The following DNAH11 variants were observed in gnomAD, a reference collection of about 807,000 sequenced individuals.
DNAH11 encodes dynein axonemal heavy chain 11.
A neutral mutation model predicts 526.0 loss-of-function variants in DNAH11; 442 were observed. The ratio of observed to expected loss-of-function variants is 0.84; its 90% CI spans 0.78 to 0.91. The LOEUF is 0.91. DNAH11 is among the 40% of genes least tolerant of loss of function. The pLI, the probability that DNAH11 is intolerant of heterozygous loss-of-function variation, is 0.00. For synonymous variants in DNAH11, 2,461 were observed against 1,935.9 expected (o/e 1.27, Z -7.12); for missense variants, 6,989 against 5,448.7 (o/e 1.28, Z -8.90).
intron 66 of DNAH11, chr7:21,851,250 C>T: frequency 4.4e-6 from 1 of 226,796 alleles, no homozygotes; most frequent in Non-Finnish European, 8.9e-6. Flanking sequence ...GGCTTTTCCC[C>T]CTTTGCTGGG....
chr7:21,632,813 C>T lies in DNAH11; in HGVS notation c.4501-3058C>T, dbSNP rs145215077. Among the ~76,000 whole-genome samples the T allele has an allele frequency of 7.0e-3, 1,065 of 152,296 alleles. 15 individuals are homozygous for T. The highest frequency in any genetic ancestry group is 0.024 in the African/African-American group (1,016 of 41,562). ...ACTGTTCCAACCTCTGCCTGTTACC[C>T]AGTTCCAAAGTTGCTTCCACATTTT... On this transcript the variant is annotated intron_variant, in intron 25 of 81. Coordinates refer to ENST00000409508, the MANE Select transcript of DNAH11 (RefSeq NM_001277115.2).
At chr7:21,841,485 T>G (rs1782202125) in intron 65 of DNAH11, among the ~76,000 whole-genome samples, 2 of 152,184 alleles carry the variant, frequency 1.3e-5, no homozygotes, top group African/African-American at 4.8e-5. Flanking sequence ...GTGTGGAGTT[T>G]GCACACGTTC....
At chr7:21,551,074 C>A (rs944181301) in intron 2 of DNAH11, among the ~76,000 whole-genome samples, 1 of 152,096 alleles carries the variant, frequency 6.6e-6, no homozygotes, top group South Asian at 2.1e-4. Context: ...AGCCTGGGGT[C>A]CCCGAAGACT....
intron 28 of DNAH11, among the ~76,000 whole-genome samples, chr7:21,651,937 A>C (rs1583564252): frequency 6.6e-6 from 1 of 152,236 alleles, no homozygotes; most frequent in Non-Finnish European, 1.5e-5. Context: ...GCTTTTACTC[A>C]CTTCACACAC....
intron 65 of DNAH11, among the ~76,000 whole-genome samples, chr7:21,838,863 T>G (rs1337409437): frequency 1.3e-5 from 2 of 152,052 alleles, no homozygotes; most frequent in East Asian, 3.9e-4. Flanking sequence ...CCTAAGTAGC[T>G]GGGACTACAG....
chr7:21,750,125 G>A, intron 53 of DNAH11, 97 bp from the exon 54 acceptor site: 1 of 1,400,584 alleles, frequency 7.1e-7, no homozygotes, highest in Non-Finnish European at 9.5e-7. Context: ...CATTTATGCT[G>A]AACTTTGTCT....
At chr7:21,681,516 C>A in intron 30 of DNAH11, 30 bp from the exon 31 acceptor site, 1 of 1,605,558 alleles carries the variant, frequency 6.2e-7, no homozygotes, top group Non-Finnish European at 8.5e-7. Context: ...TGTAACCCTT[C>A]TCTCCTTTTT....
intron 9 of DNAH11, among the ~76,000 whole-genome samples, chr7:21,583,745 C>T (rs1784392365): frequency 6.6e-6 from 1 of 150,614 alleles, no homozygotes; most frequent in Non-Finnish European, 1.5e-5. Context: ...AAGAAAAAAA[C>T]AACCCCATCA....
chr7:21,898,083 A>G (rs992339548), intron 79 of DNAH11, among the ~76,000 whole-genome samples: 4 of 151,998 alleles, frequency 2.6e-5, no homozygotes, highest in African/African-American at 9.7e-5. Context: ...ACTATTTCCT[A>G]CCTGATCCCT....
intron 35 of DNAH11, among the ~76,000 whole-genome samples, chr7:21,695,104 A>C (rs1414149554): frequency 6.6e-6 from 1 of 152,248 alleles, no homozygotes; most frequent in Admixed American, 6.5e-5. Flanking sequence ...GGACACAAAC[A>C]AATAGAAAAG....
At chr7:21,699,210 T>C (rs1194080186) in intron 36 of DNAH11, among the ~76,000 whole-genome samples, 2 of 152,158 alleles carry the variant, frequency 1.3e-5, no homozygotes, top group Non-Finnish European at 2.9e-5. Flanking sequence ...TAATTCTTTA[T>C]TTAAAGGTAG....
In DNAH11 at chr7:21,787,565, C is replaced by T; in HGVS notation, c.9906C>T (p.Asn3302=). ...CTGGCCTGTGTGCCTGGGTCATCAA[C>T]ATCATTAAATTCTATGAGGTATCAA... The part of the protein sequence containing the change: ...AAAGLCAWVI[N]IIKFYEVYCD... The change falls in exon 60 of 82, where the codon AAC becomes AAT. Residue 3302 remains asparagine (N), a synonymous_variant. Transcript: ENST00000409508. 1 of 1,610,952 alleles carries T rather than the reference C, an allele frequency of 6.2e-7. No individual in the cohort carries two copies. Among genetic ancestry groups the T allele is most frequent in the South Asian group, 1.1e-5 (1 of 90,224 alleles).
In DNAH11 at chr7:21,617,648, C is replaced by A. The variant is rs570983771; in HGVS notation, c.4125C>A (p.Arg1375=). The A allele has an allele frequency of 2.4e-5, 38 of 1,613,722 alleles. No homozygotes were observed. The highest frequency in any genetic ancestry group is 5.3e-5 in the African/African-American group (4 of 74,930). Residue 1375 remains arginine, a synonymous_variant, in exon 23 of 82, where the codon CGC becomes CGA. Transcript: ENST00000409508. ...TTTGGTCACTCAACAAGGAAGTCCG[C>A]GTCTGGGATGCTTACACGGGCCTGG... ...KEIWSLNKEV[R]VWDAYTGLEG...
In DNAH11 at chr7:21,616,270, T is replaced by C; in HGVS notation, c.4073T>C (p.Val1358Ala). Residue 1358 changes from valine (V) to alanine (A), a missense_variant, in exon 22 of 82, where the codon GTA (valine) becomes GCA (alanine). Transcript: ENST00000409508. ...CAGATTCATGTGGAACAGATGGATG[T>C]AGAACTCAGAAGGTTTGCCAAGGCG... The part of the protein sequence containing the change: ...WRQIHVEQMD[V>A]ELRRFAKEIW... 4.3e-6 allele frequency: 7 copies of C among 1,613,168 alleles called. No homozygotes were observed. The highest frequency in any genetic ancestry group is 5.9e-6 in the Non-Finnish European group (7 of 1,179,468).
chr7:21,860,018 C>G (rs1304293221), intron 68 of DNAH11, among the ~76,000 whole-genome samples: 1 of 151,926 alleles, frequency 6.6e-6, no homozygotes, highest in Non-Finnish European at 1.5e-5. Context: ...CAAAAAAATT[C>G]AAAAATTAGC....
intron 61 of DNAH11, among the ~76,000 whole-genome samples, chr7:21,790,586 A>G (rs1788438697): frequency 6.6e-6 from 1 of 152,214 alleles, no homozygotes; most frequent in Admixed American, 6.5e-5. Flanking sequence ...TACAGAAAAC[A>G]CCATGAAATA....
At chr7:21,796,232 G>A (rs1442537756) in intron 61 of DNAH11, among the ~76,000 whole-genome samples, 1 of 152,160 alleles carries the variant, frequency 6.6e-6, no homozygotes, top group Non-Finnish European at 1.5e-5. Context: ...AATGATTAAG[G>A]CAAACGTAGA....
In DNAH11 at chr7:21,557,609, T is replaced by C. The variant is rs545103999; in HGVS notation, c.496-1193T>C. Among the ~76,000 whole-genome samples the C allele has an allele frequency of 2.3e-3, 351 of 152,210 alleles. 2 individuals are homozygous for C. Among genetic ancestry groups the C allele is most frequent in the African/African-American group, 8.1e-3 (336 of 41,530 alleles). On this transcript the variant is annotated intron_variant, in intron 2 of 81. Transcript: ENST00000409508. The stretch of plus-strand genomic sequence containing the variant: ...ACCTCCCAAACACTCCACCTCCTAA[T>C]ACCATCATTTTGGGGGTTAGGATTT...
In DNAH11 at chr7:21,787,441, A is replaced by C; in HGVS notation, c.9782A>C (p.Glu3261Ala). Residue 3261 changes from glutamate (E) to alanine (A), a missense_variant, in exon 60 of 82, where the codon GAG becomes GCG. Coordinates refer to ENST00000409508, the MANE Select transcript of DNAH11 (RefSeq NM_001277115.2). Reference sequence around the variant, plus strand: ...CAAGCATTAATTAACTATGACAAAGAGCACATTCCAGAGAACTGTCTAAAA... The same window carrying C: ...CAAGCATTAATTAACTATGACAAAGCGCACATTCCAGAGAACTGTCTAAAA... ...FLQALINYDK[E>A]HIPENCLKVV... is the part of the protein sequence containing the mutation. 4 of 1,612,224 alleles carry C rather than the reference A, an allele frequency of 2.5e-6. No homozygotes were observed. Among genetic ancestry groups the C allele is most frequent in the Non-Finnish European group, 3.4e-6 (4 of 1,179,058 alleles).
Sources: gnomAD v4.1 joint callset for allele counts (sites outside exome capture counted in the v4.1 genomes callset) on GRCh38, gnomAD v4.1.1 for gene constraint, MANE v1.5 for transcripts, NCBI Gene and HGNC (gene_info 2026-07-23, HGNC 2026-07-21) for gene names.